The following POU3F2 variants were observed in gnomAD, a reference collection of about 807,000 sequenced individuals.
POU3F2 encodes POU class 3 homeobox 2.
Under a neutral mutation model 33.1 loss-of-function variants are expected in POU3F2, and 11 were observed. The ratio of observed to expected loss-of-function variants is 0.33; its 90% CI spans 0.21 to 0.55. POU3F2 has a LOEUF of 0.55. Ranked by LOEUF, POU3F2 falls within the 20% of genes least tolerant of loss-of-function variation. The probability of loss-of-function intolerance (pLI) is 0.91; values close to 1 mark genes in which losing one functional copy is unlikely to be tolerated. For missense variants in POU3F2, 456 were observed against 620.2 expected (o/e 0.74, Z 2.81); for synonymous variants, 332 against 289.6 (o/e 1.15, Z -1.49).
chr6:98,834,862 G>C lies in POU3F2; in HGVS notation c.-12G>C, dbSNP rs200105737. ...TCCTTTAACCGGAGCGCTCAGTCCG[G>C]CTCCGAGAGTCATGGCGACCGCAGC... is the stretch of plus-strand genomic sequence containing the variant. On this transcript the variant is annotated 5_prime_UTR_variant, in exon 1 of 1. Transcript: ENST00000328345. 3 of 1,595,394 alleles carry C rather than the reference G, an allele frequency of 1.9e-6. No individual in the cohort carries two copies. In the East Asian group the frequency reaches 6.8e-5, roughly 36 times the overall value.
In POU3F2 at chr6:98,835,917, C is replaced by T. The variant is rs765077394; in HGVS notation, c.1044C>T (p.Ile348=). 6.2e-7 allele frequency: 1 copy of T among 1,614,202 alleles called. No homozygotes were observed. Among genetic ancestry groups the T allele is most frequent in the African/African-American group, 1.3e-5 (1 of 75,068 alleles). The change falls in exon 1 of 1, where the codon ATC becomes ATT. Residue 348 remains isoleucine (I), a synonymous_variant. Coordinates refer to ENST00000328345, the MANE Select transcript of POU3F2 (RefSeq NM_005604.4). The surrounding 1 kb of genome is among the most constrained non-coding windows in gnomAD (Gnocchi z 9.7). ...SSGSPTSIDK[I]AAQGRKRKKR... is the part of the protein sequence containing the mutation. ...GCAGCCCCACGAGCATAGACAAGAT[C>T]GCAGCGCAAGGGCGCAAGCGGAAAA... is the stretch of plus-strand genomic sequence containing the variant.
Position 98,835,660 on chromosome 6 carries a change from G to C in POU3F2, c.787G>C (p.Asp263His). ...GCACCACGACCCGCACTCGGACGAG[G>C]ACACGCCGACCTCGGACGACCTGGA... is the stretch of plus-strand genomic sequence containing the variant. The part of the protein sequence containing the change: ...GAHHDPHSDE[D>H]TPTSDDLEQF... Residue 263 changes from aspartate to histidine, a missense_variant, in exon 1 of 1, where the codon GAC (aspartate) becomes CAC (histidine). Asp to His is a moderately conservative substitution (Grantham distance 81). Transcript: ENST00000328345. The surrounding 1 kb of genome is among the most constrained non-coding windows in gnomAD (Gnocchi z 9.7). 1 of 1,613,388 alleles carries C rather than the reference G, an allele frequency of 6.2e-7. No individual in the cohort carries two copies. Among genetic ancestry groups the C allele is most frequent in the Admixed American group, 1.7e-5 (1 of 60,030 alleles).
rs904815201 is a variant in POU3F2 at position 98,834,630 on chromosome 6, G to C, written c.-244G>C. ...GCGCCGAGCTAGTCAGAGAGTGAGC[G>C]AGAGCGAGAAGGAGGGAGAGGAGGA... is the stretch of plus-strand genomic sequence containing the variant. On this transcript the variant is annotated 5_prime_UTR_variant, in exon 1 of 1. Transcript: ENST00000328345. 4 of 548,136 alleles carry C rather than the reference G, an allele frequency of 7.3e-6. No homozygotes were observed. The highest frequency in any genetic ancestry group is 1.3e-5 in the Non-Finnish European group (4 of 306,704). 34.0% of individuals were successfully genotyped at this position (548,136 alleles called of 1,614,324 possible). A position where few individuals can be genotyped will look rare whatever the true frequency, so the allele number is the denominator to read the frequency against.
Position 98,835,072 on chromosome 6 carries a change from C to A in POU3F2, c.199C>A (p.His67Asn). 8.0e-7 allele frequency: 1 copy of A among 1,248,892 alleles called. No individual in the cohort carries two copies. The allele number at this position is 1,248,892 out of a possible 1,614,324, so 77.4% of individuals were successfully genotyped here. Residue 67 changes from histidine (H) to asparagine (N), a missense_variant, in exon 1 of 1, where the codon CAC becomes AAC. Around this residue, in one of 6 missense-constraint regions of POU3F2, gnomAD observed 341 missense variants for 382.4 expected, o/e 0.89. Transcript: ENST00000328345. The surrounding 1 kb of genome is among the most constrained non-coding windows in gnomAD (Gnocchi z 9.7). The stretch of plus-strand genomic sequence containing the variant: ...TCACCAGTGGATCACCGCGCTGTCC[C>A]ACGGCGGCGGCGGCGGGGGCGGTGG... ...HAHQWITALS[H>N]GGGGGGGGGG...
chr6:98,835,851 T>C lies in POU3F2; in HGVS notation c.978T>C (p.Pro326=), dbSNP rs771072735. Reference sequence around the variant, plus strand: ...TCAAGAACATGTGCAAGCTGAAGCCTTTGTTGAACAAGTGGTTGGAGGAGG... The same window carrying C: ...TCAAGAACATGTGCAAGCTGAAGCCCTTGTTGAACAAGTGGTTGGAGGAGG... ...LSFKNMCKLK[P]LLNKWLEEAD... Residue 326 remains proline, a synonymous_variant, in exon 1 of 1, where the codon CCT becomes CCC. Transcript: ENST00000328345. This position sits in a 1 kb window ranked among gnomAD's most constrained non-coding sequence, Gnocchi z 9.7. 1.9e-6 allele frequency: 3 copies of C among 1,614,168 alleles called. No individual in the cohort carries two copies. The East Asian group carries it at 6.7e-5, about 36-fold the overall frequency.
At position 98,835,137 on chromosome 6, in the gene POU3F2, C is replaced by G. The variant is rs1410760113; in HGVS notation, c.264C>G (p.Gly88=). The part of the protein sequence containing the change: ...GGGGGGGGGG[G]DGSPWSTSPL... ...GCGGGGGCGGCGGCGGGGGCGGCGG[C>G]GACGGCTCCCCGTGGTCCACCAGCC... The change falls in exon 1 of 1, where the codon GGC becomes GGG. Residue 88 remains glycine (G), a synonymous_variant. Transcript: ENST00000328345. This position sits in a 1 kb window ranked among gnomAD's most constrained non-coding sequence, Gnocchi z 9.7. The G allele has an allele frequency of 8.1e-7, 1 of 1,236,018 alleles. No homozygotes were observed. Among genetic ancestry groups the G allele is most frequent in the Non-Finnish European group, 1.0e-6 (1 of 989,294 alleles). The allele number at this position is 1,236,018 out of a possible 1,614,324, so 76.6% of individuals were successfully genotyped here.
In POU3F2 at chr6:98,837,014, A is replaced by T. The variant is rs1770007999; in HGVS notation, c.*809A>T. 1 of 167,120 alleles carries T rather than the reference A, an allele frequency of 6.0e-6. No homozygotes were observed. The highest frequency in any genetic ancestry group is 6.5e-5 in the Admixed American group (1 of 15,288). The allele number at this position is 167,120 out of a possible 1,614,324, so 10.4% of individuals were successfully genotyped here. A position where few individuals can be genotyped will look rare whatever the true frequency, so the allele number is the denominator to read the frequency against. ...CAAAAGGATTGGCTTCATACAAAAT[A>T]GACAATTCTCTGATTTCAGGAAATG... On this transcript the variant is annotated 3_prime_UTR_variant, in exon 1 of 1. Coordinates refer to ENST00000328345, the MANE Select transcript of POU3F2 (RefSeq NM_005604.4).
chr6:98,835,025 A>C lies in POU3F2; in HGVS notation c.152A>C (p.Asn51Thr). The change falls in exon 1 of 1, where the codon AAC (asparagine) becomes ACC (threonine). Residue 51 changes from asparagine (N) to threonine (T), a missense_variant. This residue lies in a region of POU3F2 where 341 missense variants were observed against 382.4 expected (regional missense o/e 0.89). Transcript: ENST00000328345. The surrounding 1 kb of genome is among the most constrained non-coding windows in gnomAD (Gnocchi z 9.7). Reference protein sequence around the residue: ...VQGDYGALQSNGHPLSHAHQW... With the variant: ...VQGDYGALQSTGHPLSHAHQW... ...GGCGACTACGGCGCTCTGCAGAGCAACGGACACCCGCTCAGCCACGCTCAC... is the reference window on the plus strand; with the variant it reads ...GGCGACTACGGCGCTCTGCAGAGCACCGGACACCCGCTCAGCCACGCTCAC... 1 of 1,549,176 alleles carries C rather than the reference A, an allele frequency of 6.5e-7. No individual in the cohort carries two copies. The highest frequency in any genetic ancestry group is 8.7e-7 in the Non-Finnish European group (1 of 1,153,914).
chr6:98,834,896 A>G lies in POU3F2; in HGVS notation c.23A>G (p.His8Arg). 1 of 1,598,726 alleles carries G rather than the reference A, an allele frequency of 6.3e-7. No homozygotes were observed. The change falls in exon 1 of 1, where the codon CAC becomes CGC. Residue 8 changes from histidine (H) to arginine (R), a missense_variant. Coordinates refer to ENST00000328345, the MANE Select transcript of POU3F2 (RefSeq NM_005604.4). MATAASN[H>R]YSLLTSSASI... is the part of the protein sequence containing the mutation. ...GTCATGGCGACCGCAGCGTCTAACC[A>G]CTACAGCCTGCTCACCTCCAGCGCC... is the stretch of plus-strand genomic sequence containing the variant.
At position 98,835,389 on chromosome 6, in the gene POU3F2, G is replaced by T. The variant is rs1242587209; in HGVS notation, c.516G>T (p.Ala172=). 1 of 1,571,258 alleles carries T rather than the reference G, an allele frequency of 6.4e-7. No homozygotes were observed. Among genetic ancestry groups the T allele is most frequent in the African/African-American group, 1.4e-5 (1 of 72,648 alleles). Reference sequence around the variant, plus strand: ...GACCCGGGGCATGGCGGAGCGCGGCGGCTGCAGCGCACCTCCCACCCTCCA... The same window carrying T: ...GACCCGGGGCATGGCGGAGCGCGGCTGCTGCAGCGCACCTCCCACCCTCCA... The part of the protein sequence containing the change: ...HPGPGAWRSA[A]AAAHLPPSMG... The change falls in exon 1 of 1, where the codon GCG becomes GCT. Residue 172 remains alanine (A), a synonymous_variant. Coordinates refer to ENST00000328345, the MANE Select transcript of POU3F2 (RefSeq NM_005604.4). The surrounding 1 kb of genome is among the most constrained non-coding windows in gnomAD (Gnocchi z 9.7).
In POU3F2 at chr6:98,835,116, G is replaced by A. The variant is rs1013947610; in HGVS notation, c.243G>A (p.Gly81=). The change falls in exon 1 of 1, where the codon GGG becomes GGA. Residue 81 remains glycine (G), a synonymous_variant. Transcript: ENST00000328345. The surrounding 1 kb of genome is among the most constrained non-coding windows in gnomAD (Gnocchi z 9.7). ...GCGGTGGCGGCGGCGGGGGGGGCGG[G>A]GGCGGCGGCGGGGGCGGCGGCGACG... ...GGGGGGGGGG[G]GGGGGGGDGS... The A allele has an allele frequency of 9.9e-6, 12 of 1,208,788 alleles. No individual in the cohort carries two copies. Among genetic ancestry groups the A allele is most frequent in the Non-Finnish European group, 1.2e-5 (12 of 974,340 alleles). The allele number at this position is 1,208,788 out of a possible 1,614,324, so 74.9% of individuals were successfully genotyped here. A position where few individuals can be genotyped will look rare whatever the true frequency, so the allele number is the denominator to read the frequency against.
chr6:98,839,160 C>T lies in POU3F2; in HGVS notation c.*2955C>T, dbSNP rs574594619. ...ATGGTCCTACAAAGAGATGTTTGTC[C>T]CCTTTAAACATATGCAGATATGCCT... On this transcript the variant is annotated 3_prime_UTR_variant, in exon 1 of 1. Transcript: ENST00000328345. 2.0e-5 allele frequency: 3 copies of T among 152,146 alleles called. No individual in the cohort carries two copies. The South Asian group carries it at 6.2e-4, about 32-fold the overall frequency. The allele number at this position is 152,146 out of a possible 1,614,324, so 9.4% of individuals were successfully genotyped here. A position where few individuals can be genotyped will look rare whatever the true frequency, so the allele number is the denominator to read the frequency against.
In POU3F2 at chr6:98,836,201, A is replaced by G; in HGVS notation, c.1328A>G (p.Gln443Arg). The stretch of plus-strand genomic sequence containing the variant: ...CACCACGGGGTGCAGACGCCCGTCC[A>G]GTGAACTCGAGCTGGGGGAGGGGCA... The part of the protein sequence containing the change: ...PPHHGVQTPV[Q>R] The change falls in exon 1 of 1, where the codon CAG (glutamine) becomes CGG (arginine). Residue 443 changes from glutamine to arginine, a missense_variant. Gln to Arg is a conservative substitution (Grantham distance 43). Transcript: ENST00000328345. 3.2e-6 allele frequency: 5 copies of G among 1,567,190 alleles called. No homozygotes were observed. Among genetic ancestry groups the G allele is most frequent in the Non-Finnish European group, 4.3e-6 (5 of 1,166,478 alleles).
chr6:98,834,926 T>A lies in POU3F2; in HGVS notation c.53T>A (p.Ile18Asn), dbSNP rs371461013. Residue 18 changes from isoleucine to asparagine, a missense_variant, in exon 1 of 1, where the codon ATC (isoleucine) becomes AAC (asparagine). Ile to Asn is a moderately radical substitution (Grantham distance 149). Transcript: ENST00000328345. The part of the protein sequence containing the change: ...HYSLLTSSAS[I>N]VHAEPPGGMQ... ...AGCCTGCTCACCTCCAGCGCCTCCA[T>A]CGTGCACGCCGAGCCGCCCGGCGGC... The A allele has an allele frequency of 1.1e-5, 18 of 1,599,952 alleles. No homozygotes were observed. Among genetic ancestry groups the A allele is most frequent in the Non-Finnish European group, 2.5e-6 (3 of 1,179,252 alleles).
Position 98,835,035 on chromosome 6 carries a change from G to C in POU3F2, c.162G>C (p.Pro54=). 6.6e-7 allele frequency: 1 copy of C among 1,512,920 alleles called. No individual in the cohort carries two copies. The highest frequency in any genetic ancestry group is 8.8e-7 in the Non-Finnish European group (1 of 1,136,638). 93.7% of individuals were successfully genotyped at this position (1,512,920 alleles called of 1,614,324 possible). ...GCGCTCTGCAGAGCAACGGACACCC[G>C]CTCAGCCACGCTCACCAGTGGATCA... is the stretch of plus-strand genomic sequence containing the variant. ...DYGALQSNGH[P]LSHAHQWITA... The change falls in exon 1 of 1, where the codon CCG becomes CCC. Residue 54 remains proline, a synonymous_variant. Coordinates refer to ENST00000328345, the MANE Select transcript of POU3F2 (RefSeq NM_005604.4). The surrounding 1 kb of genome is among the most constrained non-coding windows in gnomAD (Gnocchi z 9.7).
rs1769993690 is a variant in POU3F2, at chr6:98,836,088, G to A, written c.1215G>A (p.Arg405=). 1 of 1,602,500 alleles carries A rather than the reference G, an allele frequency of 6.2e-7. No individual in the cohort carries two copies. Among genetic ancestry groups the A allele is most frequent in the Admixed American group, 1.8e-5 (1 of 55,434 alleles). ...KEVVRVWFCN[R]RQKEKRMTPP... is the part of the protein sequence containing the mutation. The stretch of plus-strand genomic sequence containing the variant: ...TGGTGAGAGTTTGGTTTTGTAACAG[G>A]AGACAGAAAGAGAAAAGGATGACCC... Residue 405 remains arginine, a synonymous_variant, in exon 1 of 1, where the codon AGG becomes AGA. Coordinates refer to ENST00000328345, the MANE Select transcript of POU3F2 (RefSeq NM_005604.4).
Position 98,835,095 on chromosome 6 carries a change from T to TGGCGGC in POU3F2, c.228_233dup (p.Gly87_Gly88dup). On this transcript the variant is annotated inframe_insertion, in exon 1 of 1. Transcript: ENST00000328345. This position sits in a 1 kb window ranked among gnomAD's most constrained non-coding sequence, Gnocchi z 9.7. ...CCCACGGCGGCGGCGGCGGGGGCGG[T>TGGCGGC]GGCGGCGGCGGGGGGGGCGGGGGCG... 9.0e-7 allele frequency: 1 copy of TGGCGGC among 1,115,804 alleles called. No homozygotes were observed. Among genetic ancestry groups the TGGCGGC allele is most frequent in the Non-Finnish European group, 1.1e-6 (1 of 916,356 alleles). The allele number at this position is 1,115,804 out of a possible 1,614,324, so 69.1% of individuals were successfully genotyped here.
rs773083837 is a variant in POU3F2, at chr6:98,836,039, A to G, written c.1166A>G (p.Asp389Gly). The G allele has an allele frequency of 2.5e-6, 4 of 1,605,778 alleles. No homozygotes were observed. In the South Asian group the frequency reaches 4.4e-5, roughly 18 times the overall value. Residue 389 changes from aspartate to glycine, a missense_variant, in exon 1 of 1, where the codon GAC (aspartate) becomes GGC (glycine). Physicochemically the swap from Asp to Gly is moderately conservative, Grantham distance 94. Coordinates refer to ENST00000328345, the MANE Select transcript of POU3F2 (RefSeq NM_005604.4). The part of the protein sequence containing the change: ...PSAQEITSLA[D>G]SLQLEKEVVR... ...GCCCAGGAGATCACCTCCCTCGCGG[A>G]CAGCTTACAGCTGGAGAAGGAGGTG...
At position 98,834,786 on chromosome 6, in the gene POU3F2, C is replaced by A; in HGVS notation, c.-88C>A. On this transcript the variant is annotated 5_prime_UTR_variant, in exon 1 of 1. Transcript: ENST00000328345. Reference sequence around the variant, plus strand: ...TGGGAGAGAGAGGAGACAGAAAGAGCGAGCGAGGAGAGGGAGCCCGAGGCG... The same window carrying A: ...TGGGAGAGAGAGGAGACAGAAAGAGAGAGCGAGGAGAGGGAGCCCGAGGCG... The A allele has an allele frequency of 7.1e-7, 1 of 1,409,698 alleles. No homozygotes were observed. Among genetic ancestry groups the A allele is most frequent in the Non-Finnish European group, 9.6e-7 (1 of 1,043,724 alleles). 87.3% of individuals were successfully genotyped at this position (1,409,698 alleles called of 1,614,324 possible). A position where few individuals can be genotyped will look rare whatever the true frequency, so the allele number is the denominator to read the frequency against.
Sources: gnomAD v4.1 joint callset for allele counts on GRCh38, gnomAD v4.1.1 for gene constraint, gnomAD v4.1.1 regional missense constraint, Gnocchi (gnomAD v3.1) non-coding constraint, MANE v1.5 for transcripts, NCBI Gene and HGNC (gene_info 2026-07-23, HGNC 2026-07-21) for gene names.